The following NPAS3 variants were observed in gnomAD, a reference collection of about 807,000 sequenced individuals.
NPAS3 encodes the protein neuronal PAS domain protein 3, also known as neuronal PAS domain-containing protein 3.
NPAS3 carries 14 observed loss-of-function variants against 73.1 expected under a neutral mutation model. That is an observed-to-expected ratio of 0.19 (90% CI 0.13 to 0.30). The LOEUF (loss-of-function observed/expected upper bound fraction) is 0.30. Ranked by LOEUF, NPAS3 falls within the 10% of genes least tolerant of loss-of-function variation. NPAS3 has a pLI of 1.00. For synonymous variants in NPAS3, 620 were observed against 541.5 expected (o/e 1.14, Z -2.01); for missense variants, 1,096 against 1,250.0 (o/e 0.88, Z 1.86).
chr14:33,106,502 AT>A (rs1875609477), intron 2 of NPAS3, among the ~76,000 whole-genome samples: 1 of 152,178 alleles, frequency 6.6e-6, no homozygotes. Flanking sequence ...GAATACATTG[AT>A]AAATTAAAGG....
intron 1 of NPAS3, among the ~76,000 whole-genome samples, chr14:32,957,094 G>A (rs1049868066): frequency 1.3e-5 from 2 of 152,034 alleles, no homozygotes; most frequent in African/African-American, 4.8e-5. Context: ...AGATGAAACT[G>A]GTCTTCTATG....
At chr14:33,766,309 A>G (rs976389998) in intron 7 of NPAS3, among the ~76,000 whole-genome samples, 29 of 152,038 alleles carry the variant, frequency 1.9e-4, no homozygotes, top group Admixed American at 1.8e-3. Flanking sequence ...TCCTGAACCA[A>G]CCTTCCCTTA....
chr14:33,561,387 T>G (rs2055642096), intron 5 of NPAS3, among the ~76,000 whole-genome samples: 1 of 152,220 alleles, frequency 6.6e-6, no homozygotes, highest in South Asian at 2.1e-4. Context: ...TTTGATTATT[T>G]ACTGTTGAGA....
intron 2 of NPAS3, among the ~76,000 whole-genome samples, chr14:33,112,568 C>G (rs1276183740): frequency 6.6e-6 from 1 of 151,900 alleles, no homozygotes; most frequent in African/African-American, 2.4e-5. Flanking sequence ...GGATATTAGC[C>G]CTTTGTCAGA....
intron 2 of NPAS3, among the ~76,000 whole-genome samples, chr14:33,192,766 T>C (rs1010832299): frequency 6.6e-5 from 10 of 152,184 alleles, no homozygotes; most frequent in African/African-American, 2.4e-4. Context: ...TGCTCTTCAC[T>C]CTTCACATGG....
At chr14:32,951,591 T>G (rs1566793117) in intron 1 of NPAS3, among the ~76,000 whole-genome samples, 1 of 152,106 alleles carries the variant, frequency 6.6e-6, no homozygotes, top group African/African-American at 2.4e-5. Flanking sequence ...TGTTTGGAGA[T>G]AAGTACATTT....
At chr14:32,946,495 T>G (rs1251004366) in intron 1 of NPAS3, among the ~76,000 whole-genome samples, 2 of 152,112 alleles carry the variant, frequency 1.3e-5, no homozygotes, top group Non-Finnish European at 2.9e-5. Flanking sequence ...AAGCTGTACT[T>G]TAGGAAACTT....
intron 5 of NPAS3, among the ~76,000 whole-genome samples, chr14:33,608,884 A>G (rs188145198): frequency 9.9e-4 from 151 of 152,314 alleles, no homozygotes; most frequent in Non-Finnish European, 1.9e-3. Context: ...CAAGTCATCC[A>G]GTCACAAATA....
chr14:33,481,743 A>T (rs1386361124), intron 4 of NPAS3, among the ~76,000 whole-genome samples: 1 of 151,898 alleles, frequency 6.6e-6, no homozygotes, highest in African/African-American at 2.4e-5. Flanking sequence ...AAACGCATAA[A>T]AGAATTTCAC....
intron 2 of NPAS3, among the ~76,000 whole-genome samples, chr14:33,200,844 A>G (rs2046586969): frequency 1.3e-5 from 2 of 152,150 alleles, no homozygotes; most frequent in Non-Finnish European, 2.9e-5. Flanking sequence ...GTTACTATTC[A>G]GCAGTGAGAT....
At chr14:33,399,227 T>C (rs116141102) in intron 4 of NPAS3, among the ~76,000 whole-genome samples, 364 of 152,286 alleles carry the variant, frequency 2.4e-3, no homozygotes, top group African/African-American at 8.3e-3. Flanking sequence ...CTCTGTCACA[T>C]ACACTTGCTT....
chr14:33,099,423 A>G (rs1204309063), intron 2 of NPAS3, among the ~76,000 whole-genome samples: 1 of 152,168 alleles, frequency 6.6e-6, no homozygotes, highest in Admixed American at 6.6e-5. Flanking sequence ...CATGGACTCT[A>G]TGAATCTCAG....
chr14:33,769,654 G>C (rs1447659872), intron 7 of NPAS3, among the ~76,000 whole-genome samples: 1 of 148,584 alleles, frequency 6.7e-6, no homozygotes, highest in Non-Finnish European at 1.5e-5. Flanking sequence ...TAATCAAACA[G>C]TATTTGTTGA....
chr14:33,758,830 C>T (rs1167218958), intron 7 of NPAS3, among the ~76,000 whole-genome samples: 2 of 152,166 alleles, frequency 1.3e-5, no homozygotes, highest in Admixed American at 1.3e-4. Context: ...ATCTAATTTC[C>T]TTGTTGATTA....
chr14:33,137,110 A>G (rs543471139), intron 2 of NPAS3, among the ~76,000 whole-genome samples: 3 of 152,378 alleles, frequency 2.0e-5, no homozygotes, highest in East Asian at 3.9e-4. Context: ...ATTATTTGCT[A>G]GAAGAATGCA....
chr14:33,019,824 G>A (rs571874978), intron 1 of NPAS3, among the ~76,000 whole-genome samples: 4 of 152,266 alleles, frequency 2.6e-5, no homozygotes, highest in South Asian at 2.1e-4. Flanking sequence ...TGGTCGGGCC[G>A]GGATCTATTT....
chr14:33,177,361 G>A (rs2045632187), intron 2 of NPAS3, among the ~76,000 whole-genome samples: 2 of 151,894 alleles, frequency 1.3e-5, no homozygotes. Flanking sequence ...CTCCCAAAGA[G>A]CTGGGTATCT....
intron 1 of NPAS3, among the ~76,000 whole-genome samples, chr14:33,014,406 T>C (rs1037356620): frequency 1.3e-5 from 2 of 152,192 alleles, no homozygotes; most frequent in African/African-American, 4.8e-5. Flanking sequence ...TTCTAATTAG[T>C]ATCCTCAATA....
intron 2 of NPAS3, among the ~76,000 whole-genome samples, chr14:33,199,381 C>CA (rs2046522314): frequency 6.6e-6 from 1 of 152,184 alleles, no homozygotes; most frequent in Admixed American, 6.5e-5. Flanking sequence ...TTCTCTTTTA[C>CA]AAAAATTTCC....
Sources: allele counts gnomAD v4.1 joint callset (sites outside exome capture counted in the v4.1 genomes callset), GRCh38; gene constraint gnomAD v4.1.1; transcripts MANE v1.5; gene names NCBI Gene and HGNC (gene_info 2026-07-23, HGNC 2026-07-21).